FTO: variants seen among roughly 807,000 people sequenced by gnomAD.
The protein encoded by FTO is alpha-ketoglutarate-dependent dioxygenase FTO.
Under a neutral mutation model 63.9 loss-of-function variants are expected in FTO, and 47 were observed. The observed-to-expected ratio is 0.74, with a 90% CI of 0.58 to 0.94. FTO has a LOEUF of 0.94. FTO is among the 40% of genes least tolerant of loss of function. The probability of loss-of-function intolerance (pLI) is 0.00; values close to 1 mark genes in which losing one functional copy is unlikely to be tolerated. For synonymous variants in FTO, 207 were observed against 224.4 expected (o/e 0.92, Z 0.69); for missense variants, 562 against 618.1 (o/e 0.91, Z 0.96).
At chr16:53,886,974 C>T (rs1169739382) in intron 6 of FTO, 6 of 152,110 alleles carry the variant, frequency 3.9e-5, no homozygotes, top group Non-Finnish European at 7.4e-5. Context: ...TATTTAAGAT[C>T]GGTAGCATTG....
chr16:53,881,363 G>C (rs1303657922), intron 6 of FTO, among the ~76,000 whole-genome samples: 1 of 152,124 alleles, frequency 6.6e-6, no homozygotes, highest in African/African-American at 2.4e-5. Context: ...TCAAGACACT[G>C]TCTTCATCTT....
Position 53,846,848 on chromosome 16 carries a change from C to T in FTO, c.895+2550C>T, listed in dbSNP as rs1049507176. ...GTAAATAAGTACTCTAAAAATTCAG[C>T]TATATTCCATATATTTAATAACATC... is the stretch of plus-strand genomic sequence containing the variant. On this transcript the variant is annotated intron_variant, in intron 4 of 8. Coordinates refer to ENST00000471389, the MANE Select transcript of FTO (RefSeq NM_001080432.3). Among the ~76,000 whole-genome samples the T allele has an allele frequency of 2.9e-4, 43 of 150,120 alleles. 1 individual carries two copies.
At position 53,959,082 on chromosome 16, in the gene FTO, G is replaced by A. The variant is rs961112794; in HGVS notation, c.1364+24973G>A. ...CCTCTCTGTGCCAAGTACTTTTTAA[G>A]TGCTTTATGTGAATTAACTGTTACA... On this transcript the variant is annotated intron_variant, in intron 8 of 8. Coordinates refer to ENST00000471389, the MANE Select transcript of FTO (RefSeq NM_001080432.3). Among the ~76,000 whole-genome samples the A allele has an allele frequency of 4.6e-5, 7 of 152,154 alleles. 1 individual carries two copies. The highest frequency in any genetic ancestry group is 2.6e-4 in the Admixed American group (4 of 15,280).
intron 8 of FTO, among the ~76,000 whole-genome samples, chr16:54,028,066 T>C (rs2084753860): frequency 1.3e-5 from 2 of 152,204 alleles, no homozygotes; most frequent in Admixed American, 1.3e-4. Context: ...CATTGTTAGA[T>C]AAAGTATCTT....
chr16:53,747,345 C>G (rs1400092992), intron 1 of FTO, among the ~76,000 whole-genome samples: 1 of 152,166 alleles, frequency 6.6e-6, no homozygotes, highest in Non-Finnish European at 1.5e-5. Flanking sequence ...AACATCCTCA[C>G]TAAAACTTAT....
intron 8 of FTO, among the ~76,000 whole-genome samples, chr16:53,948,444 C>CA (rs1459087216): frequency 5.3e-5 from 8 of 152,198 alleles, no homozygotes; most frequent in Non-Finnish European, 8.8e-5. Flanking sequence ...AAGTTCAAGG[C>CA]AAAACACACG....
In FTO at chr16:53,908,921, T is replaced by C. The variant is rs188214802; in HGVS notation, c.1239+19970T>C. On this transcript the variant is annotated intron_variant, in intron 7 of 8. Transcript: ENST00000471389. ...TCATGTGAGTTCTATTATAGCCTTC[T>C]GTGTTTATAAACATGTCTTGAGCAT... 2.0e-5 allele frequency among the ~76,000 whole-genome samples: 3 copies of C among 152,336 alleles called. No individual in the cohort carries two copies. The East Asian group carries it at 5.8e-4, about 29-fold the overall frequency.
intron 8 of FTO, among the ~76,000 whole-genome samples, chr16:54,105,073 A>G (rs1050653588): frequency 6.6e-6 from 1 of 152,226 alleles, no homozygotes; most frequent in African/African-American, 2.4e-5. Context: ...CATTAACTTC[A>G]TTGTAATAGT....
chr16:53,821,581 C>A (rs2078866834), intron 2 of FTO, among the ~76,000 whole-genome samples: 1 of 152,154 alleles, frequency 6.6e-6, no homozygotes. Context: ...CAATGACAAT[C>A]CATAGTGGTA....
At chr16:53,750,799 G>C (rs1328505879) in intron 1 of FTO, among the ~76,000 whole-genome samples, 1 of 152,118 alleles carries the variant, frequency 6.6e-6, no homozygotes, top group African/African-American at 2.4e-5. Context: ...AGTCTAGCAT[G>C]GTACATGGCA....
At chr16:53,753,653 C>T (rs879108246) in intron 1 of FTO, among the ~76,000 whole-genome samples, 121 of 152,300 alleles carry the variant, frequency 7.9e-4, no homozygotes, top group Admixed American at 7.8e-3. Context: ...GTAAGACTGC[C>T]ACCTTGAGAC....
intron 7 of FTO, among the ~76,000 whole-genome samples, chr16:53,889,428 C>T (rs929732601): frequency 3.9e-5 from 6 of 152,212 alleles, no homozygotes; most frequent in African/African-American, 1.4e-4. Context: ...CTCAGGCAGG[C>T]TGGCTCCACA....
chr16:54,116,077 T>C lies in FTO; in HGVS notation c.*4162T>C, dbSNP rs2086972873. 6.6e-6 allele frequency: 1 copy of C among 152,210 alleles called. No individual in the cohort carries two copies. Among genetic ancestry groups the C allele is most frequent in the South Asian group, 2.1e-4 (1 of 4,834 alleles). The allele number at this position is 152,210 out of a possible 1,614,324, so 9.4% of individuals were successfully genotyped here. ...TCATGGCATCATTGGTGACACAATTTTAGTAATAAGCTTCAAAACCCATCA... is the reference window on the plus strand; with the variant it reads ...TCATGGCATCATTGGTGACACAATTCTAGTAATAAGCTTCAAAACCCATCA... On this transcript the variant is annotated 3_prime_UTR_variant, in exon 9 of 9. Coordinates refer to ENST00000471389, the MANE Select transcript of FTO (RefSeq NM_001080432.3).
intron 8 of FTO, among the ~76,000 whole-genome samples, chr16:54,065,017 G>C (rs4784353): frequency 6.6e-6 from 1 of 152,018 alleles, no homozygotes; most frequent in Non-Finnish European, 1.5e-5. Context: ...GCCCCCACCC[G>C]CCTGACTCTG....
chr16:53,953,117 C>T (rs1366554819), intron 8 of FTO, among the ~76,000 whole-genome samples: 1 of 152,174 alleles, frequency 6.6e-6, no homozygotes, highest in Non-Finnish European at 1.5e-5. Flanking sequence ...AGGAAAACTG[C>T]AGAACAAAAT....
intron 4 of FTO, among the ~76,000 whole-genome samples, chr16:53,846,758 C>T (rs913483508): frequency 2.0e-5 from 3 of 148,704 alleles, no homozygotes; most frequent in Non-Finnish European, 4.4e-5. Flanking sequence ...GCTGAGATTG[C>T]ACCACTGCAC....
chr16:53,849,771 C>A (rs915505965), intron 4 of FTO, among the ~76,000 whole-genome samples: 1 of 152,188 alleles, frequency 6.6e-6, no homozygotes, highest in Non-Finnish European at 1.5e-5. Context: ...CCACTGGAGT[C>A]TGTAGCCCTG....
chr16:53,797,069 C>G (rs186181065), intron 1 of FTO, among the ~76,000 whole-genome samples: 1 of 152,242 alleles, frequency 6.6e-6, no homozygotes, highest in Non-Finnish European at 1.5e-5. Context: ...CTCTCTCTTT[C>G]TCTCTCCCTT....
At chr16:54,089,457 T>C (rs1349209525) in intron 8 of FTO, among the ~76,000 whole-genome samples, 1 of 152,142 alleles carries the variant, frequency 6.6e-6, no homozygotes, top group East Asian at 1.9e-4. Context: ...TTTCATTCTA[T>C]ACTGAGCACT....
Sources: allele counts gnomAD v4.1 joint callset (sites outside exome capture counted in the v4.1 genomes callset), GRCh38; gene constraint gnomAD v4.1.1; transcripts MANE v1.5; gene names NCBI Gene and HGNC (gene_info 2026-07-23, HGNC 2026-07-21).